The following NEDD4L variants were observed in gnomAD, a reference collection of about 807,000 sequenced individuals.
The protein encoded by NEDD4L is NEDD4 like E3 ubiquitin protein ligase.
A neutral mutation model predicts 148.9 loss-of-function variants in NEDD4L; 54 were observed. The observed-to-expected ratio is 0.36, with a 90% CI of 0.29 to 0.45. The LOEUF (loss-of-function observed/expected upper bound fraction) is 0.45, where lower values mean the gene tolerates loss of function less well. NEDD4L is among the 20% of genes least tolerant of loss of function. The probability of loss-of-function intolerance (pLI) is 1.00; values close to 1 mark genes in which losing one functional copy is unlikely to be tolerated. For missense variants in NEDD4L, 856 were observed against 1,233.8 expected (o/e 0.69, Z 4.59); for synonymous variants, 433 against 440.7 (o/e 0.98, Z 0.22).
chr18:58,341,767 G>A lies in NEDD4L; in HGVS notation c.1347G>A (p.Ser449=), dbSNP rs768108673. The stretch of plus-strand genomic sequence containing the variant: ...TCCGCCGGCCTCGTAGCCTCAGCTC[G>A]CCAACAGTAACTTTATCTGCCCCGC... The part of the protein sequence containing the change: ...PQIRRPRSLS[S]PTVTLSAPLE... Residue 449 remains serine, a synonymous_variant, in exon 15 of 31, where the codon TCG becomes TCA. Transcript: ENST00000400345. 1.1e-5 allele frequency: 17 copies of A among 1,613,554 alleles called. No individual in the cohort carries two copies. In the Admixed American group the frequency reaches 2.0e-4, roughly 19 times the overall value.
chr18:58,324,064 T>TG (rs2059094144), intron 8 of NEDD4L, among the ~76,000 whole-genome samples: 1 of 152,246 alleles, frequency 6.6e-6, no homozygotes, highest in Non-Finnish European at 1.5e-5. Flanking sequence ...CTCCTCCGCC[T>TG]GAGAGATCAT....
At chr18:58,306,611 T>C (rs504165) in intron 5 of NEDD4L, among the ~76,000 whole-genome samples, 1 of 150,946 alleles carries the variant, frequency 6.6e-6, no homozygotes, top group Non-Finnish European at 1.5e-5. Context: ...CTCTATGACT[T>C]TGGGCAAGTT....
At chr18:58,317,676 ATAGTTTAGCT>A (rs2058413358) in intron 6 of NEDD4L, among the ~76,000 whole-genome samples, 1 of 152,172 alleles carries the variant, frequency 6.6e-6, no homozygotes, top group African/African-American at 2.4e-5. Context: ...AGTATAAAGA[ATAGTTTAGCT>A]TTGGATTCTG....
At chr18:58,200,601 G>A (rs1012913174) in intron 2 of NEDD4L, among the ~76,000 whole-genome samples, 24 of 152,212 alleles carry the variant, frequency 1.6e-4, no homozygotes, top group African/African-American at 5.5e-4. Context: ...TTAAAAATTA[G>A]CATGAATTTT....
In NEDD4L at chr18:58,343,092, A is replaced by G; in HGVS notation, c.1564A>G (p.Thr522Ala). 1 of 1,603,264 alleles carries G rather than the reference A, an allele frequency of 6.2e-7. No individual in the cohort carries two copies. The highest frequency in any genetic ancestry group is 8.5e-7 in the Non-Finnish European group (1 of 1,174,158). ...CTTCTTCATTGATCATAACACAAAG[A>G]CTACAACCTGGGTAAGGCTGCTGCT... is the stretch of plus-strand genomic sequence containing the variant. ...RPFFIDHNTK[T>A]TTWEDPRLKF... is the part of the protein sequence containing the mutation. The change falls in exon 16 of 31, where the codon ACT (threonine) becomes GCT (alanine). Residue 522 changes from threonine (T) to alanine (A), a missense_variant. This residue lies in a region of NEDD4L where 367 missense variants were observed against 422.7 expected (regional missense o/e 0.87). Coordinates refer to ENST00000400345, the MANE Select transcript of NEDD4L (RefSeq NM_001144967.3).
At position 58,176,564 on chromosome 18, in the gene NEDD4L, A is replaced by C. The variant is rs772111671; in HGVS notation, c.122+10703A>C. 8.5e-4 allele frequency among the ~76,000 whole-genome samples: 129 copies of C among 152,150 alleles called. 1 individual carries two copies. The highest frequency in any genetic ancestry group is 8.1e-4 in the Non-Finnish European group (55 of 68,034). On this transcript the variant is annotated intron_variant, in intron 2 of 30. Transcript: ENST00000400345. Reference sequence around the variant, plus strand: ...TGCCCAGGTGGGTCTCAAACTCCTGACCTCAAGTGACCCTCCCGCCTTGGC... The same window carrying C: ...TGCCCAGGTGGGTCTCAAACTCCTGCCCTCAAGTGACCCTCCCGCCTTGGC...
chr18:58,385,229 A>G (rs189510155), intron 25 of NEDD4L, among the ~76,000 whole-genome samples: 385 of 152,334 alleles, frequency 2.5e-3, no homozygotes, highest in African/African-American at 7.4e-3. Flanking sequence ...AAAGCAGTTA[A>G]AGCATTTAAA....
At chr18:58,133,414 C>T (rs899649706) in intron 1 of NEDD4L, among the ~76,000 whole-genome samples, 2 of 152,102 alleles carry the variant, frequency 1.3e-5, no homozygotes, top group Non-Finnish European at 2.9e-5. Context: ...GAGGTTGGAG[C>T]TCAGAAGAAC....
intron 5 of NEDD4L, among the ~76,000 whole-genome samples, chr18:58,273,459 T>C (rs1002271675): frequency 2.0e-5 from 3 of 152,224 alleles, no homozygotes; most frequent in African/African-American, 7.2e-5. Context: ...GTTTTCCAAA[T>C]TCTGTGCCAG....
chr18:58,370,782 A>G (rs533471175), intron 23 of NEDD4L, among the ~76,000 whole-genome samples: 4 of 152,312 alleles, frequency 2.6e-5, no homozygotes, highest in East Asian at 1.9e-4. Context: ...TGTGTTTTCT[A>G]TAAAAACTGC....
intron 1 of NEDD4L, among the ~76,000 whole-genome samples, chr18:58,047,886 T>C (rs957977332): frequency 6.6e-6 from 1 of 152,284 alleles, no homozygotes; most frequent in African/African-American, 2.4e-5. Context: ...TGAAATCTTT[T>C]ATTCCATTTT....
At chr18:58,053,857 T>C (rs2081986085) in intron 1 of NEDD4L, among the ~76,000 whole-genome samples, 2 of 152,220 alleles carry the variant, frequency 1.3e-5, no homozygotes, top group Non-Finnish European at 1.5e-5. Context: ...ACATCTGTTA[T>C]GAATGAATGT....
rs537293621 is a variant in NEDD4L, at chr18:58,062,179, G to A, written c.48+17471G>A. On this transcript the variant is annotated intron_variant, in intron 1 of 30. Coordinates refer to ENST00000400345, the MANE Select transcript of NEDD4L (RefSeq NM_001144967.3). ...TTGTGATTTCTCTTTGTAAAAAGAAGTCTTTGTGTCGGTCCCAGGTCTTAT... is the reference window on the plus strand; with the variant it reads ...TTGTGATTTCTCTTTGTAAAAAGAAATCTTTGTGTCGGTCCCAGGTCTTAT... 7.9e-5 allele frequency among the ~76,000 whole-genome samples: 12 copies of A among 152,316 alleles called. No homozygotes were observed. In the South Asian group the frequency reaches 2.5e-3, roughly 32 times the overall value.
intron 2 of NEDD4L, among the ~76,000 whole-genome samples, chr18:58,204,370 T>A (rs1228275261): frequency 1.3e-5 from 2 of 152,204 alleles, no homozygotes; most frequent in Non-Finnish European, 2.9e-5. Flanking sequence ...GATCTGTCTG[T>A]ACCTTGTAGG....
intron 1 of NEDD4L, among the ~76,000 whole-genome samples, chr18:58,110,358 T>C (rs557476829): frequency 5.3e-4 from 81 of 152,324 alleles, no homozygotes; most frequent in South Asian, 1.0e-3. Flanking sequence ...GGGTAGTCAT[T>C]AAGATCCGTT....
chr18:58,086,113 T>C (rs1355556461), intron 1 of NEDD4L, among the ~76,000 whole-genome samples: 1 of 152,220 alleles, frequency 6.6e-6, no homozygotes, highest in Non-Finnish European at 1.5e-5. Context: ...TGACTTTTAA[T>C]CCTTTAAAAC....
At position 58,063,608 on chromosome 18, in the gene NEDD4L, C is replaced by T. The variant is rs559646284; in HGVS notation, c.48+18900C>T. 2.6e-3 allele frequency among the ~76,000 whole-genome samples: 397 copies of T among 150,976 alleles called. 4 individuals are homozygous for T. Among genetic ancestry groups the T allele is most frequent in the South Asian group, 4.8e-3 (23 of 4,748 alleles). ...TGAGACAGATTCTCACTCTGTCATC[C>T]AGGCTGGAGTGCAGTGGTGCGATCT... is the stretch of plus-strand genomic sequence containing the variant. On this transcript the variant is annotated intron_variant, in intron 1 of 30. Transcript: ENST00000400345.
chr18:58,214,604 G>A (rs55702670), intron 2 of NEDD4L, among the ~76,000 whole-genome samples: 7 of 75,290 alleles, frequency 9.3e-5, no homozygotes, highest in Non-Finnish European at 1.1e-4. Context: ...TTAGCTGCTC[G>A]GTTTGTGTGT....
At chr18:58,335,183 A>G (rs2041562514) in intron 12 of NEDD4L, among the ~76,000 whole-genome samples, 1 of 152,162 alleles carries the variant, frequency 6.6e-6, no homozygotes, top group Admixed American at 6.5e-5. Context: ...TAATTATTTG[A>G]CAATGGCAGG....
Sources: allele counts gnomAD v4.1 joint callset (sites outside exome capture counted in the v4.1 genomes callset), GRCh38; gene constraint gnomAD v4.1.1; regional missense constraint gnomAD v4.1.1; transcripts MANE v1.5; gene names NCBI Gene and HGNC (gene_info 2026-07-23, HGNC 2026-07-21).